OPCML: variants seen among roughly 807,000 people sequenced by gnomAD.
The protein encoded by OPCML is opioid-binding protein/cell adhesion molecule.
Under a neutral mutation model 37.8 loss-of-function variants are expected in OPCML, and 13 were observed. The observed-to-expected ratio is 0.34, with a 90% CI of 0.22 to 0.55. The LOEUF is 0.55. Among genes scored for constraint, OPCML ranks in the 20% least tolerant of loss-of-function variants. OPCML has a pLI of 0.91. For missense variants in OPCML, 341 were observed against 435.6 expected (o/e 0.78, Z 1.93); for synonymous variants, 176 against 168.8 (o/e 1.04, Z -0.33).
chr11:132,637,181 C>T (rs1264804733), intron 3 of OPCML, among the ~76,000 whole-genome samples: 5 of 150,934 alleles, frequency 3.3e-5, no homozygotes, highest in African/African-American at 1.2e-4. Context: ...ATTTTTCTGG[C>T]GACTCTTTCT....
chr11:133,427,750 C>A (rs1946032852), intron 1 of OPCML, among the ~76,000 whole-genome samples: 1 of 151,554 alleles, frequency 6.6e-6, no homozygotes, highest in Admixed American at 6.6e-5. Flanking sequence ...CCGAAATACA[C>A]CAATAATCAT....
intron 2 of OPCML, among the ~76,000 whole-genome samples, chr11:132,878,565 C>A (rs1188523678): frequency 6.6e-6 from 1 of 152,150 alleles, no homozygotes; most frequent in African/African-American, 2.4e-5. Context: ...TGGAACTTCT[C>A]GGCTTCCATA....
At chr11:132,542,849 C>G (rs2096360180) in intron 3 of OPCML, among the ~76,000 whole-genome samples, 1 of 152,192 alleles carries the variant, frequency 6.6e-6, no homozygotes, top group Admixed American at 6.5e-5. Flanking sequence ...CACGCCTCTT[C>G]CCTTCTCCCA....
chr11:133,020,821 G>T (rs199960415), intron 1 of OPCML, among the ~76,000 whole-genome samples: 1 of 152,140 alleles, frequency 6.6e-6, no homozygotes, highest in African/African-American at 2.4e-5. Context: ...TTTGGTACAC[G>T]CCAATTAAAA....
chr11:133,146,461 C>T (rs1362658045), intron 1 of OPCML, among the ~76,000 whole-genome samples: 1 of 151,796 alleles, frequency 6.6e-6, no homozygotes, highest in African/African-American at 2.4e-5. Flanking sequence ...ATTACAGGCA[C>T]CCGCCACCAT....
At chr11:133,219,178 A>G (rs1939709269) in intron 1 of OPCML, among the ~76,000 whole-genome samples, 1 of 152,112 alleles carries the variant, frequency 6.6e-6, no homozygotes, top group African/African-American at 2.4e-5. Context: ...CTCTCAGTTC[A>G]CTTCTATATC....
chr11:132,562,595 T>A (rs920072406), intron 3 of OPCML, among the ~76,000 whole-genome samples: 1 of 152,084 alleles, frequency 6.6e-6, no homozygotes, highest in Non-Finnish European at 1.5e-5. Flanking sequence ...AGGTTACATC[T>A]CAAGATTATC....
chr11:132,626,695 TAAA>T (rs35134050), intron 3 of OPCML, among the ~76,000 whole-genome samples: 19 of 149,470 alleles, frequency 1.3e-4, no homozygotes, highest in Admixed American at 4.7e-4. Flanking sequence ...TATGAGCCTT[TAAA>T]AAAAAAAAAC....
chr11:132,683,333 C>T (rs939574429), intron 2 of OPCML, among the ~76,000 whole-genome samples: 1 of 152,174 alleles, frequency 6.6e-6, no homozygotes, highest in South Asian at 2.1e-4. Context: ...CATGGTTGCG[C>T]CACTGCACTC....
chr11:132,622,759 C>T (rs3862598), intron 3 of OPCML, among the ~76,000 whole-genome samples: 10,502 of 152,200 alleles, frequency 0.069, 627 homozygotes, highest in East Asian at 0.28. Context: ...TACCACATTG[C>T]GCTTTGGAGG....
chr11:132,839,781 G>T (rs189540150), intron 2 of OPCML, among the ~76,000 whole-genome samples: 1 of 152,054 alleles, frequency 6.6e-6, no homozygotes, highest in Non-Finnish European at 1.5e-5. Flanking sequence ...TCAATTATTC[G>T]GCAACTGATC....
intron 1 of OPCML, among the ~76,000 whole-genome samples, chr11:133,412,390 C>T (rs949605716): frequency 4.6e-5 from 7 of 152,136 alleles, no homozygotes; most frequent in Admixed American, 1.3e-4. Context: ...CAACTGGAAA[C>T]CAGAGGGTCA....
At chr11:133,096,536 C>CA (rs1383829935) in intron 1 of OPCML, among the ~76,000 whole-genome samples, 1 of 151,926 alleles carries the variant, frequency 6.6e-6, no homozygotes, top group African/African-American at 2.4e-5. Context: ...ATCCAACTGT[C>CA]AATAAGCACT....
At chr11:132,452,657 A>G (rs1261708551) in intron 4 of OPCML, among the ~76,000 whole-genome samples, 1 of 145,638 alleles carries the variant, frequency 6.9e-6, no homozygotes, top group Non-Finnish European at 1.5e-5. Context: ...TCCTTTTTTC[A>G]TGTCCTCCCT....
At chr11:132,683,583 C>T (rs1439943578) in intron 2 of OPCML, among the ~76,000 whole-genome samples, 1 of 152,202 alleles carries the variant, frequency 6.6e-6, no homozygotes, top group Non-Finnish European at 1.5e-5. Flanking sequence ...GTTGGGATGA[C>T]ACCATCTCAG....
At position 133,208,392 on chromosome 11, in the gene OPCML, G is replaced by C. The variant is rs1253985209; in HGVS notation, c.62-265382C>G. On this transcript the variant is annotated intron_variant, in intron 1 of 7. Coordinates refer to ENST00000524381, the MANE Select transcript of OPCML (RefSeq NM_001012393.5). This position sits in a 1 kb window ranked among gnomAD's most constrained non-coding sequence, Gnocchi z 8.9. Reference sequence around the variant, plus strand: ...GCATGGTAGAAAGGGCCATAGGTTAGGATTTTATAACTCTCTGGAGTTTAC... The same window carrying C: ...GCATGGTAGAAAGGGCCATAGGTTACGATTTTATAACTCTCTGGAGTTTAC... 6.6e-6 allele frequency among the ~76,000 whole-genome samples: 1 copy of C among 152,188 alleles called. No individual in the cohort carries two copies. The highest frequency in any genetic ancestry group is 2.4e-5 in the African/African-American group (1 of 41,448).
chr11:132,552,763 C>CTTT lies in OPCML; in HGVS notation c.380-23580_380-23578dup, dbSNP rs562056846. Among the ~76,000 whole-genome samples, 58 of 92,792 alleles carry CTTT rather than the reference C, an allele frequency of 6.3e-4. 7 individuals carry two copies. The highest frequency in any genetic ancestry group is 2.3e-3 in the East Asian group (8 of 3,460). 60.9% of individuals were successfully genotyped at this position (92,792 alleles called of 152,430 possible). On this transcript the variant is annotated intron_variant, in intron 3 of 7. Coordinates refer to ENST00000524381, the MANE Select transcript of OPCML (RefSeq NM_001012393.5). ...TAGTCAAACTAAATTAAACACTACTCTTTTTTTTTTTTTTTTGAGACCGAG... is the reference window on the plus strand; with the variant it reads ...TAGTCAAACTAAATTAAACACTACTCTTTTTTTTTTTTTTTTTTTGAGACCGAG...
At chr11:132,963,024 C>T (rs1225153013) in intron 1 of OPCML, among the ~76,000 whole-genome samples, 3 of 152,114 alleles carry the variant, frequency 2.0e-5, no homozygotes, top group African/African-American at 7.2e-5. Flanking sequence ...AGCCGTGAAG[C>T]CTGACGTGAC....
chr11:132,985,777 C>T (rs914995209), intron 1 of OPCML, among the ~76,000 whole-genome samples: 39 of 152,294 alleles, frequency 2.6e-4, no homozygotes, highest in African/African-American at 9.4e-4. Flanking sequence ...ATCACACCTC[C>T]GTATTTTCAA....
Sources: allele counts gnomAD v4.1 joint callset (sites outside exome capture counted in the v4.1 genomes callset), GRCh38; gene constraint gnomAD v4.1.1; non-coding constraint Gnocchi (gnomAD v3.1); transcripts MANE v1.5; gene names NCBI Gene and HGNC (gene_info 2026-07-23, HGNC 2026-07-21).